Variants in PCDHGB5 observed in about 807,000 individuals in gnomAD.
PCDHGB5 encodes protocadherin gamma-B5.
PCDHGB5 carries 48 observed loss-of-function variants against 62.9 expected under a neutral mutation model. That is an observed-to-expected ratio of 0.76 (90% CI 0.61 to 0.97). The LOEUF (loss-of-function observed/expected upper bound fraction) is 0.97, where lower values mean the gene tolerates loss of function less well. Among genes scored for constraint, PCDHGB5 ranks in the 50% least tolerant of loss-of-function variants. The pLI, the probability that PCDHGB5 is intolerant of heterozygous loss-of-function variation, is 0.00. For synonymous variants in PCDHGB5, 474 were observed against 511.2 expected, an observed-to-expected ratio of 0.93 and a Z score of 0.98; for missense variants, 1,118 against 1,198.6, an observed-to-expected ratio of 0.93 and a Z score of 0.99.
At chr5:141,510,844 C>A in intron 3 of PCDHGB5, 103 bp from the exon 4 acceptor site, 1 of 1,592,684 alleles carries the variant, frequency 6.3e-7, no homozygotes, top group South Asian at 1.1e-5. Context: ...GTGGTCAAGG[C>A]CCAGGGTGCT....
At chr5:141,505,579 G>A (rs1047837546) in intron 3 of PCDHGB5, 98 bp downstream of exon 3, 6 of 1,588,858 alleles carry the variant, frequency 3.8e-6, no homozygotes, top group Non-Finnish European at 4.3e-6. Flanking sequence ...TCAAACCTGT[G>A]TAGTTTCTCC....
chr5:141,427,319 G>T (rs1184530487), intron 1 of PCDHGB5: 4 of 456,958 alleles, frequency 8.8e-6, no homozygotes, highest in African/African-American at 8.0e-5. Flanking sequence ...CCCCAGACGT[G>T]GTTTTTACTT....
intron 1 of PCDHGB5, among the ~76,000 whole-genome samples, chr5:141,454,617 G>T (rs2098794218): frequency 6.6e-6 from 1 of 151,322 alleles, no homozygotes; most frequent in Non-Finnish European, 1.5e-5. Context: ...TGTTGGTCAG[G>T]CTGGTCTCGA....
intron 2 of PCDHGB5, among the ~76,000 whole-genome samples, chr5:141,495,690 G>A (rs1261694815): frequency 1.3e-5 from 2 of 152,172 alleles, no homozygotes; most frequent in East Asian, 3.9e-4. Context: ...TGGCATAAGT[G>A]CTCAATAAAT....
chr5:141,485,625 G>A lies in PCDHGB5; in HGVS notation c.2398-9182G>A, dbSNP rs1458191111. On this transcript the variant is annotated intron_variant, in intron 1 of 3. Coordinates refer to ENST00000617380, the MANE Select transcript of PCDHGB5 (RefSeq NM_018925.3). This position sits in a 1 kb window ranked among gnomAD's most constrained non-coding sequence, Gnocchi z 5.7. ...GGGGAGGCAGCTCCTCCAGGACAGC[G>A]TTTCCCGTTGGAAAAGGCTCAGGAT... is the stretch of plus-strand genomic sequence containing the variant. The A allele has an allele frequency of 1.2e-6, 2 of 1,611,968 alleles. No homozygotes were observed. The highest frequency in any genetic ancestry group is 3.3e-5 in the Admixed American group (2 of 59,916).
intron 1 of PCDHGB5, chr5:141,430,828 G>C (rs760402028): frequency 1.3e-6 from 2 of 1,554,030 alleles, no homozygotes; most frequent in East Asian, 2.2e-5. Context: ...TGGGGACTCT[G>C]TGGGAGACCG....
At chr5:141,415,502 A>C (rs1162629839) in intron 1 of PCDHGB5, 6 of 1,614,086 alleles carry the variant, frequency 3.7e-6, no homozygotes, top group Admixed American at 1.7e-5. Flanking sequence ...ATCTTCCCCC[A>C]GCCCAATTAT....
intron 1 of PCDHGB5, chr5:141,415,222 G>C (rs2095844564): frequency 1.2e-6 from 2 of 1,613,990 alleles, no homozygotes; most frequent in African/African-American, 2.7e-5. Context: ...CGGCAGCTTC[G>C]AGTCTCCAGC....
intron 1 of PCDHGB5, chr5:141,428,371 C>A: frequency 5.6e-6 from 3 of 536,772 alleles, no homozygotes; most frequent in Non-Finnish European, 1.0e-5. Flanking sequence ...CGCCTTGCAC[C>A]TGCGATGCTC....
intron 1 of PCDHGB5, chr5:141,409,665 CCTACT>C (rs753951498): frequency 6.2e-7 from 1 of 1,613,576 alleles, no homozygotes; most frequent in Admixed American, 1.7e-5. Context: ...GGCCACATCT[CCTACT>C]CTATAGTGGC....
chr5:141,500,680 T>C (rs999167635), intron 2 of PCDHGB5, among the ~76,000 whole-genome samples: 7 of 152,224 alleles, frequency 4.6e-5, no homozygotes, highest in Non-Finnish European at 7.3e-5. Context: ...AACAGAATTA[T>C]AGCTTTTTTC....
chr5:141,415,740 G>GTTTTTTTTT (rs57426385), intron 1 of PCDHGB5: 68 of 625,028 alleles, frequency 1.1e-4, no homozygotes, highest in African/African-American at 1.3e-4. Context: ...GTTTATTAAG[G>GTTTTTTTTT]TTTTTTTTTT....
intron 1 of PCDHGB5, among the ~76,000 whole-genome samples, chr5:141,474,432 C>T (rs1050895539): frequency 6.6e-6 from 1 of 152,214 alleles, no homozygotes; most frequent in Non-Finnish European, 1.5e-5. Context: ...GGTCCTCACA[C>T]TTTGAGTAGC....
chr5:141,423,671 T>C (rs773279181), intron 1 of PCDHGB5: 7 of 1,550,720 alleles, frequency 4.5e-6, no homozygotes, highest in Non-Finnish European at 5.2e-6. Context: ...GTGAGATTTA[T>C]TTCTCTGCCT....
intron 1 of PCDHGB5, among the ~76,000 whole-genome samples, chr5:141,470,483 G>T (rs1163257164): frequency 6.6e-6 from 1 of 152,112 alleles, no homozygotes; most frequent in African/African-American, 2.4e-5. Context: ...CTAACCCTCT[G>T]GGAATAATAT....
At chr5:141,502,724 C>T (rs1288841230) in intron 2 of PCDHGB5, among the ~76,000 whole-genome samples, 2 of 152,134 alleles carry the variant, frequency 1.3e-5, no homozygotes, top group African/African-American at 4.8e-5. Context: ...GATTACAAAG[C>T]GGTGATGTTC....
rs770788893 is a variant in PCDHGB5 at position 141,403,151 on chromosome 5, G to T, written c.2397+2627G>T. On this transcript the variant is annotated intron_variant, in intron 1 of 3. Coordinates refer to ENST00000617380, the MANE Select transcript of PCDHGB5 (RefSeq NM_018925.3). ...GCTGGCGGAGCGCCGAGTCCGCATC[G>T]TCTCTAGAGGTAGGACGCAGCTTTT... 1.3e-5 allele frequency: 21 copies of T among 1,613,914 alleles called. No individual in the cohort carries two copies. In the Admixed American group the frequency reaches 3.5e-4, roughly 27 times the overall value.
intron 1 of PCDHGB5, among the ~76,000 whole-genome samples, chr5:141,472,561 T>C (rs1000220187): frequency 2.6e-5 from 4 of 151,632 alleles, no homozygotes; most frequent in African/African-American, 9.7e-5. Flanking sequence ...AATTATATTA[T>C]AAATGCTGCA....
intron 3 of PCDHGB5, among the ~76,000 whole-genome samples, chr5:141,506,444 C>T (rs542906499): frequency 2.1e-5 from 2 of 95,022 alleles, no homozygotes; most frequent in South Asian, 3.6e-4. Flanking sequence ...CGCTCTGTCT[C>T]AAAAAAAAAA....
Sources: allele counts gnomAD v4.1 joint callset (sites outside exome capture counted in the v4.1 genomes callset), GRCh38; gene constraint gnomAD v4.1.1; non-coding constraint Gnocchi (gnomAD v3.1); transcripts MANE v1.5; gene names NCBI Gene and HGNC (gene_info 2026-07-23, HGNC 2026-07-21).